The following KCNB2 variants were observed in gnomAD, a reference collection of about 807,000 sequenced individuals.
KCNB2 encodes delayed rectifier potassium channel protein.
In KCNB2, 15 loss-of-function variants were observed where a neutral mutation model predicts 61.5. The observed-to-expected ratio is 0.24, with a 90% CI of 0.16 to 0.38. KCNB2 has a LOEUF of 0.38. KCNB2 is among the 10% of genes least tolerant of loss of function. KCNB2 has a pLI of 1.00. For synonymous variants in KCNB2, 457 were observed against 446.0 expected (o/e 1.02, Z -0.31); for missense variants, 828 against 1,125.2 (o/e 0.74, Z 3.78).
chr8:72,581,634 A>C (rs1156868939), intron 2 of KCNB2, among the ~76,000 whole-genome samples: 1 of 152,244 alleles, frequency 6.6e-6, no homozygotes, highest in African/African-American at 2.4e-5. Flanking sequence ...TGTTTTCAAC[A>C]GTTTAAGAAA....
At chr8:72,778,986 C>A (rs1808711418) in intron 2 of KCNB2, among the ~76,000 whole-genome samples, 1 of 151,978 alleles carries the variant, frequency 6.6e-6, no homozygotes, top group Non-Finnish European at 1.5e-5. Context: ...TGGTAAGAAG[C>A]CAGGTCGCAC....
intron 2 of KCNB2, among the ~76,000 whole-genome samples, chr8:72,576,905 G>A (rs1422551236): frequency 4.6e-5 from 7 of 152,142 alleles, no homozygotes; most frequent in Admixed American, 3.9e-4. Context: ...TGTAGTAACT[G>A]GCACAGAGGC....
At chr8:72,605,294 T>G (rs78852947) in intron 2 of KCNB2, among the ~76,000 whole-genome samples, 1 of 152,084 alleles carries the variant, frequency 6.6e-6, no homozygotes, top group Non-Finnish European at 1.5e-5. Context: ...GCTTGCTCCT[T>G]GGCAGCTGGT....
chr8:72,836,899 G>T (rs1809792152), intron 2 of KCNB2, among the ~76,000 whole-genome samples: 1 of 152,136 alleles, frequency 6.6e-6, no homozygotes, highest in African/African-American at 2.4e-5. Flanking sequence ...GAAAGAGTGG[G>T]ACTTTGTCTC....
At chr8:72,584,653 T>C (rs1461592649) in intron 2 of KCNB2, among the ~76,000 whole-genome samples, 1 of 152,186 alleles carries the variant, frequency 6.6e-6, no homozygotes, top group Non-Finnish European at 1.5e-5. Context: ...ATGGACTATG[T>C]ATCAGGAAAA....
intron 2 of KCNB2, among the ~76,000 whole-genome samples, chr8:72,846,437 T>C (rs1809995540): frequency 6.6e-6 from 1 of 152,136 alleles, no homozygotes; most frequent in Non-Finnish European, 1.5e-5. Context: ...AAAGAGCTTC[T>C]GCACAGCAAA....
chr8:72,654,697 G>C (rs1354530292), intron 2 of KCNB2, among the ~76,000 whole-genome samples: 1 of 152,098 alleles, frequency 6.6e-6, no homozygotes, highest in Non-Finnish European at 1.5e-5. Flanking sequence ...AAGTAAAAAG[G>C]CAGTGAACAT....
intron 2 of KCNB2, among the ~76,000 whole-genome samples, chr8:72,614,884 T>TAGG (rs1293456676): frequency 1.3e-5 from 2 of 152,186 alleles, no homozygotes; most frequent in Non-Finnish European, 2.9e-5. Flanking sequence ...CCATGTGAGC[T>TAGG]AGGTGGCTAA....
intron 2 of KCNB2, among the ~76,000 whole-genome samples, chr8:72,917,045 G>A (rs2929569): frequency 0.59 from 89,770 of 152,024 alleles, 27,780 homozygotes; most frequent in Middle Eastern, 0.7. Flanking sequence ...TCAGGCTTTT[G>A]GGCTTGAGGG....
chr8:72,927,955 C>A (rs774867708), intron 2 of KCNB2, among the ~76,000 whole-genome samples: 1 of 151,962 alleles, frequency 6.6e-6, no homozygotes, highest in Non-Finnish European at 1.5e-5. Flanking sequence ...TTAAGGCCTC[C>A]CTCTCAAAAA....
intron 2 of KCNB2, among the ~76,000 whole-genome samples, chr8:72,904,307 C>A (rs551125348): frequency 5.3e-5 from 8 of 152,244 alleles, no homozygotes; most frequent in African/African-American, 1.9e-4. Flanking sequence ...ATTAACTTCA[C>A]CCCATTTTTC....
chr8:72,648,168 C>A (rs890982853), intron 2 of KCNB2, among the ~76,000 whole-genome samples: 1 of 152,122 alleles, frequency 6.6e-6, no homozygotes. Context: ...CTGCAGTACT[C>A]GGTACCCTTG....
chr8:72,731,690 T>A (rs1040673271), intron 2 of KCNB2, among the ~76,000 whole-genome samples: 3 of 152,188 alleles, frequency 2.0e-5, no homozygotes, highest in Non-Finnish European at 4.4e-5. Context: ...CAATGTGGAA[T>A]GCTAAGGCCA....
intron 2 of KCNB2, among the ~76,000 whole-genome samples, chr8:72,600,521 T>G (rs998957316): frequency 6.6e-6 from 1 of 151,564 alleles, no homozygotes; most frequent in Non-Finnish European, 1.5e-5. Context: ...TGCAGCACAC[T>G]AACATGGCAC....
At chr8:72,935,132 G>T (rs951948689) in intron 2 of KCNB2, among the ~76,000 whole-genome samples, 2 of 152,134 alleles carry the variant, frequency 1.3e-5, no homozygotes, top group African/African-American at 4.8e-5. Context: ...AAGTGGTAAA[G>T]CCAGGGTCAG....
intron 2 of KCNB2, among the ~76,000 whole-genome samples, chr8:72,600,085 A>G (rs1303059711): frequency 1.3e-5 from 2 of 152,248 alleles, no homozygotes; most frequent in Non-Finnish European, 2.9e-5. Context: ...CAGCCATCCC[A>G]TTATGGGGTA....
In KCNB2 at chr8:72,715,712, A is replaced by C. The variant is rs566817357; in HGVS notation, c.579+147399A>C. ...TAAGTGCCCACAAGAGAAAGCAGGAAAGATCTAAAATTGACATCCTAACAT... is the reference window on the plus strand; with the variant it reads ...TAAGTGCCCACAAGAGAAAGCAGGACAGATCTAAAATTGACATCCTAACAT... On this transcript the variant is annotated intron_variant, in intron 2 of 2. Transcript: ENST00000523207. Among the ~76,000 whole-genome samples, 5 of 151,506 alleles carry C rather than the reference A, an allele frequency of 3.3e-5. No homozygotes were observed. The East Asian group carries it at 9.7e-4, about 29-fold the overall frequency.
At chr8:72,734,661 C>T (rs1442124524) in intron 2 of KCNB2, among the ~76,000 whole-genome samples, 2 of 152,128 alleles carry the variant, frequency 1.3e-5, no homozygotes, top group East Asian at 3.8e-4. Context: ...CATTGCCATG[C>T]CCCCTGAATG....
Position 72,588,218 on chromosome 8 carries a change from C to CTT in KCNB2, c.579+19921_579+19922dup, listed in dbSNP as rs34803136. Among the ~76,000 whole-genome samples, 1,148 of 132,798 alleles carry CTT rather than the reference C, an allele frequency of 8.6e-3. 8 individuals carry two copies. Among genetic ancestry groups the CTT allele is most frequent in the Non-Finnish European group, 0.012 (771 of 62,816 alleles). The allele number at this position is 132,798 out of a possible 152,430, so 87.1% of individuals were successfully genotyped here. A position where few individuals can be genotyped will look rare whatever the true frequency, so the allele number is the denominator to read the frequency against. On this transcript the variant is annotated intron_variant, in intron 2 of 2. Coordinates refer to ENST00000523207, the MANE Select transcript of KCNB2 (RefSeq NM_004770.3). Reference sequence around the variant, plus strand: ...TTCTGAGTCTCTCTGGGTTTCTTTTCTTTTTTTTTTTTTTTTTGAGACAGA... The same window carrying CTT: ...TTCTGAGTCTCTCTGGGTTTCTTTTCTTTTTTTTTTTTTTTTTTTGAGACAGA...
Sources: gnomAD v4.1 joint callset for allele counts (sites outside exome capture counted in the v4.1 genomes callset) on GRCh38, gnomAD v4.1.1 for gene constraint, MANE v1.5 for transcripts, NCBI Gene and HGNC (gene_info 2026-07-23, HGNC 2026-07-21) for gene names.